Variants in FBXO25 observed in about 807,000 individuals in gnomAD.
FBXO25 encodes the protein F-box only protein 25.
Under a neutral mutation model 51.9 loss-of-function variants are expected in FBXO25, and 45 were observed. That is an observed-to-expected ratio of 0.87 (90% CI 0.68 to 1.11). FBXO25 has a LOEUF of 1.11. Among genes scored for constraint, FBXO25 ranks in the 50% most tolerant of loss-of-function variants. The probability of loss-of-function intolerance (pLI) is 0.00; values close to 1 mark genes in which losing one functional copy is unlikely to be tolerated. For synonymous variants in FBXO25, 199 were observed against 151.0 expected (o/e 1.32, Z -2.33); for missense variants, 507 against 428.5 (o/e 1.18, Z -1.62).
chr8:461,551 G>C (rs1799813301), intron 8 of FBXO25, among the ~76,000 whole-genome samples: 1 of 152,162 alleles, frequency 6.6e-6, no homozygotes, highest in African/African-American at 2.4e-5. Flanking sequence ...CTCCCACCGG[G>C]TCCCTCCCAC....
chr8:461,007 A>G (rs1799773213), intron 8 of FBXO25, among the ~76,000 whole-genome samples: 2 of 152,230 alleles, frequency 1.3e-5, no homozygotes, highest in Non-Finnish European at 2.9e-5. Context: ...AAAGACTAGT[A>G]CAGTGTTGTA....
At chr8:435,854 A>T in intron 5 of FBXO25, 147 bp downstream of exon 5, 2 of 1,191,116 alleles carry the variant, frequency 1.7e-6, no homozygotes, top group Non-Finnish European at 2.3e-6. Context: ...GAAGGGAACA[A>T]GTTCAGGAGA....
Position 465,869 on chromosome 8 carries a change from A to C in FBXO25, c.987+2719A>C, listed in dbSNP as rs80221419. ...AAATATGTAATTTCTGATTTTTTTA[A>C]ATTGAGAGATGATGTAGCCTTCCAA... On this transcript the variant is annotated intron_variant, in intron 9 of 9. Coordinates refer to ENST00000350302, the MANE Select transcript of FBXO25 (RefSeq NM_183420.2). Among the ~76,000 whole-genome samples the C allele has an allele frequency of 2.3e-4, 35 of 152,202 alleles. No homozygotes were observed. The East Asian group carries it at 6.0e-3, about 26-fold the overall frequency.
intron 2 of FBXO25, among the ~76,000 whole-genome samples, chr8:421,286 A>G (rs1797137729): frequency 6.6e-6 from 1 of 152,178 alleles, no homozygotes; most frequent in Non-Finnish European, 1.5e-5. Flanking sequence ...TCCTCGCCCC[A>G]GTCTGTGGAA....
chr8:477,066 T>TTTAA lies in FBXO25; in HGVS notation c.*8265_*8268dup, dbSNP rs1200733840. On this transcript the variant is annotated 3_prime_UTR_variant, in exon 10 of 10. Transcript: ENST00000350302. Reference sequence around the variant, plus strand: ...ATTAATCTGCTGGTTGAGAGCGTTGTTTAATTTTCACATAATTGTGTACTT... The same window carrying TTTAA: ...ATTAATCTGCTGGTTGAGAGCGTTGTTTAATTAATTTTCACATAATTGTGTACTT... The TTTAA allele has an allele frequency of 6.6e-6, 1 of 152,362 alleles. No homozygotes were observed. The highest frequency in any genetic ancestry group is 2.4e-5 in the African/African-American group (1 of 41,580). The allele number at this position is 152,362 out of a possible 1,614,324, so 9.4% of individuals were successfully genotyped here. A position where few individuals can be genotyped will look rare whatever the true frequency, so the allele number is the denominator to read the frequency against.
intron 5 of FBXO25, among the ~76,000 whole-genome samples, chr8:438,407 C>T (rs902351380): frequency 2.6e-5 from 4 of 152,280 alleles, no homozygotes; most frequent in African/African-American, 9.6e-5. Flanking sequence ...TCCATCTAAA[C>T]AGCAATTTTA....
chr8:458,957 G>A (rs1799632402), intron 8 of FBXO25, among the ~76,000 whole-genome samples: 1 of 152,156 alleles, frequency 6.6e-6, no homozygotes, highest in Non-Finnish European at 1.5e-5. Flanking sequence ...GCACTCGGTA[G>A]ATGCCGCTCC....
At chr8:453,874 G>T (rs1799252839) in intron 7 of FBXO25, among the ~76,000 whole-genome samples, 1 of 152,046 alleles carries the variant, frequency 6.6e-6, no homozygotes, top group African/African-American at 2.4e-5. Flanking sequence ...TGTAATCCCA[G>T]CCACTTTGGG....
chr8:457,918 C>G (rs1466574162), intron 7 of FBXO25, among the ~76,000 whole-genome samples: 3 of 152,226 alleles, frequency 2.0e-5, no homozygotes, highest in Admixed American at 6.5e-5. Flanking sequence ...CCATAAAGGC[C>G]TAGGGGCTGT....
chr8:433,017 A>G (rs1450108107), intron 4 of FBXO25, 82 bp downstream of exon 4: 3 of 1,412,112 alleles, frequency 2.1e-6, no homozygotes, highest in Non-Finnish European at 2.8e-6. Context: ...TGTATTAATA[A>G]AGTTGCATAA....
chr8:409,231 A>G (rs1796345239), intron 1 of FBXO25, among the ~76,000 whole-genome samples: 1 of 152,204 alleles, frequency 6.6e-6, no homozygotes, highest in Non-Finnish European at 1.5e-5. Flanking sequence ...TTAGTTCATG[A>G]GCTGTATAGA....
chr8:449,977 TCTTTC>T lies in FBXO25; in HGVS notation c.382-8_382-4del. 1 of 1,591,684 alleles carries T rather than the reference TCTTTC, an allele frequency of 6.3e-7. No homozygotes were observed. Among genetic ancestry groups the T allele is most frequent in the Non-Finnish European group, 8.6e-7 (1 of 1,163,478 alleles). On this transcript the variant is annotated splice_polypyrimidine_tract_variant and splice_region_variant and intron_variant, in intron 5 of 9. Coordinates refer to ENST00000350302, the MANE Select transcript of FBXO25 (RefSeq NM_183420.2). ...ATATATATCGCTCAGCTTTTTTCCGTCTTTCCTTTAAGCTGTTGCAGCTAATTGCA... is the reference window on the plus strand; with the variant it reads ...ATATATATCGCTCAGCTTTTTTCCGTCTTTAAGCTGTTGCAGCTAATTGCA...
At chr8:446,218 C>A (rs961335318) in intron 5 of FBXO25, among the ~76,000 whole-genome samples, 2 of 152,072 alleles carry the variant, frequency 1.3e-5, no homozygotes, top group African/African-American at 4.8e-5. Context: ...CTAACAGGCC[C>A]CTAGACGATG....
At chr8:436,000 C>T (rs529891712) in intron 5 of FBXO25, among the ~76,000 whole-genome samples, 1,655 of 152,316 alleles carry the variant, frequency 0.011, 26 homozygotes, top group Non-Finnish European at 0.017. Context: ...GGTTGTACCA[C>T]GTACCTACAT....
At position 469,649 on chromosome 8, in the gene FBXO25, G is replaced by A. The variant is rs138371800; in HGVS notation, c.*845G>A. ...ACTTAAATCCTTAAAAGATTGCTTC[G>A]TTTTTAAAATAACGCATGTCCATTT... On this transcript the variant is annotated 3_prime_UTR_variant, in exon 10 of 10. Coordinates refer to ENST00000350302, the MANE Select transcript of FBXO25 (RefSeq NM_183420.2). 1.8e-3 allele frequency: 275 copies of A among 152,256 alleles called. No homozygotes were observed. Among genetic ancestry groups the A allele is most frequent in the African/African-American group, 6.2e-3 (258 of 41,558 alleles). 9.4% of individuals were successfully genotyped at this position (152,256 alleles called of 1,614,324 possible).
In FBXO25 at chr8:449,967, C is replaced by G. The variant is rs751741787; in HGVS notation, c.382-23C>G. 5 of 1,548,398 alleles carry G rather than the reference C, an allele frequency of 3.2e-6. No homozygotes were observed. In the South Asian group the frequency reaches 3.4e-5, roughly 11 times the overall value. ...CATATTAAATATATATATCGCTCAGCTTTTTTCCGTCTTTCCTTTAAGCTG... is the reference window on the plus strand; with the variant it reads ...CATATTAAATATATATATCGCTCAGGTTTTTTCCGTCTTTCCTTTAAGCTG... On this transcript the variant is annotated intron_variant, in intron 5 of 9. Transcript: ENST00000350302.
chr8:434,718 A>T (rs1798001724), intron 4 of FBXO25, among the ~76,000 whole-genome samples: 1 of 152,172 alleles, frequency 6.6e-6, no homozygotes, highest in South Asian at 2.1e-4. Flanking sequence ...AAATCTGTAG[A>T]TTTTAAATAT....
intron 5 of FBXO25, among the ~76,000 whole-genome samples, chr8:447,966 GT>G (rs374475265): frequency 1.4e-4 from 22 of 152,254 alleles, no homozygotes; most frequent in African/African-American, 5.1e-4. Context: ...AGAGGCGAAG[GT>G]GGGATTGGAA....
intron 1 of FBXO25, among the ~76,000 whole-genome samples, chr8:407,840 T>C (rs1191131480): frequency 6.6e-6 from 1 of 152,168 alleles, no homozygotes; most frequent in Non-Finnish European, 1.5e-5. Context: ...TAATTTTGCA[T>C]CCTTCCCCTC....
Sources: allele counts gnomAD v4.1 joint callset (sites outside exome capture counted in the v4.1 genomes callset), GRCh38; gene constraint gnomAD v4.1.1; transcripts MANE v1.5; gene names NCBI Gene and HGNC (gene_info 2026-07-23, HGNC 2026-07-21).